The following GALNT14 variants were observed in gnomAD, a reference collection of about 807,000 sequenced individuals.
The protein encoded by GALNT14 is polypeptide N-acetylgalactosaminyltransferase 14.
A neutral mutation model predicts 77.5 loss-of-function variants in GALNT14; 60 were observed. That is an observed-to-expected ratio of 0.77 (90% CI 0.63 to 0.96). The LOEUF (loss-of-function observed/expected upper bound fraction) is 0.96. Among genes scored for constraint, GALNT14 ranks in the 40% least tolerant of loss-of-function variants. GALNT14 has a pLI of 0.00. For missense variants in GALNT14, 710 were observed against 731.0 expected (o/e 0.97, Z 0.33); for synonymous variants, 280 against 281.7 (o/e 0.99, Z 0.06).
intron 1 of GALNT14, chr2:31,079,023 C>G (rs757639097): frequency 3.9e-6 from 5 of 1,286,370 alleles, no homozygotes; most frequent in East Asian, 5.6e-5. Flanking sequence ...GCATTCAGAA[C>G]GAAATGGGTA....
At chr2:30,975,276 A>G (rs1668568277) in intron 2 of GALNT14, among the ~76,000 whole-genome samples, 1 of 152,178 alleles carries the variant, frequency 6.6e-6, no homozygotes, top group African/African-American at 2.4e-5. Flanking sequence ...AATGATGAAA[A>G]ATGTCGATGA....
intron 1 of GALNT14, among the ~76,000 whole-genome samples, chr2:31,021,769 A>C (rs6543594): frequency 0.43 from 65,577 of 152,008 alleles, 14,240 homozygotes; most frequent in East Asian, 0.56. Flanking sequence ...CTAGCCCTTT[A>C]TGGAAAAGTT....
intron 1 of GALNT14, among the ~76,000 whole-genome samples, chr2:30,996,392 C>T (rs1427926737): frequency 6.6e-6 from 1 of 152,226 alleles, no homozygotes; most frequent in Non-Finnish European, 1.5e-5. Flanking sequence ...GACAAGGAGA[C>T]CAGCTGGGAA....
chr2:31,037,614 A>G (rs1672821142), intron 1 of GALNT14, among the ~76,000 whole-genome samples: 2 of 152,218 alleles, frequency 1.3e-5, no homozygotes, highest in South Asian at 4.2e-4. Context: ...CAATTCATAT[A>G]ATGTGGAAAC....
rs774290160 is a variant in GALNT14 at position 30,955,733 on chromosome 2, A to G, written c.539T>C (p.Val180Ala). ...CLRNNERQGL[V>A]RSRIRGADIA... ...GTCAGCGCCCCGAATCCGGGACCGG[A>G]CCAGACCTGCAGTCAGGAACAAATG... is the stretch of plus-strand genomic sequence containing the variant. Residue 180 changes from valine (V) to alanine (A), a missense_variant, in exon 6 of 15, where the codon GTC (valine) becomes GCC (alanine). By Grantham distance (64) the Val-to-Ala change is moderately conservative. Coordinates refer to ENST00000349752, the MANE Select transcript of GALNT14 (RefSeq NM_024572.4). 1 of 1,614,104 alleles carries G rather than the reference A, an allele frequency of 6.2e-7. No individual in the cohort carries two copies. The highest frequency in any genetic ancestry group is 8.5e-7 in the Non-Finnish European group (1 of 1,180,020).
intron 1 of GALNT14, among the ~76,000 whole-genome samples, chr2:31,136,773 T>TA (rs1470421555): frequency 6.6e-6 from 1 of 152,116 alleles, no homozygotes; most frequent in Non-Finnish European, 1.5e-5. Context: ...GTACGTGACT[T>TA]AAAGACCCTG....
At chr2:30,907,039 C>G (rs965449926), downstream of GALNT14, among the ~76,000 whole-genome samples, 1 of 152,180 alleles carries the variant, frequency 6.6e-6, no homozygotes, top group African/African-American at 2.4e-5. Flanking sequence ...ACACCAGAAT[C>G]TCTGGGACAC....
At chr2:30,956,023 CTACG>C (rs751091742) in intron 4 of GALNT14, 46 bp from the exon 5 acceptor site, 1 of 1,594,440 alleles carries the variant, frequency 6.3e-7, no homozygotes, top group Non-Finnish European at 8.6e-7. Flanking sequence ...AGGGATGGAC[CTACG>C]TGTTACAATT....
chr2:30,998,805 C>G (rs1269666079), intron 1 of GALNT14, among the ~76,000 whole-genome samples: 8 of 152,234 alleles, frequency 5.3e-5, no homozygotes, highest in Non-Finnish European at 1.2e-4. Flanking sequence ...TGCCATTAGG[C>G]AGCACGGCCT....
At chr2:30,988,629 G>C (rs1669469371) in intron 2 of GALNT14, among the ~76,000 whole-genome samples, 1 of 152,160 alleles carries the variant, frequency 6.6e-6, no homozygotes, top group African/African-American at 2.4e-5. Flanking sequence ...CAGACCCTCA[G>C]CCTTTTGGCT....
chr2:31,025,017 G>C (rs946852889), intron 1 of GALNT14, among the ~76,000 whole-genome samples: 1 of 152,110 alleles, frequency 6.6e-6, no homozygotes, highest in Non-Finnish European at 1.5e-5. Flanking sequence ...ATCTCTTTGG[G>C]CCAACTTCCT....
rs560600574 is a variant in GALNT14, at chr2:31,038,907, C to T, written c.130-45900G>A. On this transcript the variant is annotated intron_variant, in intron 1 of 14. Transcript: ENST00000349752. ...ACTACAGATGTGTGCCACTATGCCC[C>T]GCTAATTTTTTGTATTTTTGTAGAG... Among the ~76,000 whole-genome samples the T allele has an allele frequency of 1.7e-3, 261 of 151,952 alleles. 2 individuals carry two copies. Among genetic ancestry groups the T allele is most frequent in the African/African-American group, 6.1e-3 (253 of 41,450 alleles).
intron 1 of GALNT14, among the ~76,000 whole-genome samples, chr2:31,118,428 G>C (rs532043925): frequency 5.9e-5 from 9 of 152,114 alleles, no homozygotes; most frequent in African/African-American, 2.2e-4. Flanking sequence ...ACTAAATAGA[G>C]TTCATTCCAG....
At chr2:30,921,048 C>G (rs1447754970) in intron 13 of GALNT14, among the ~76,000 whole-genome samples, 5 of 152,160 alleles carry the variant, frequency 3.3e-5, no homozygotes. Context: ...TGAGTTGCCC[C>G]CAGATGACTG....
intron 1 of GALNT14, among the ~76,000 whole-genome samples, chr2:31,003,351 T>A (rs1489277924): frequency 6.6e-6 from 1 of 152,186 alleles, no homozygotes; most frequent in Non-Finnish European, 1.5e-5. Flanking sequence ...TCAGCAGGGA[T>A]GAGTTTACTT....
chr2:31,113,394 G>C (rs576257775), intron 1 of GALNT14, among the ~76,000 whole-genome samples: 1 of 152,298 alleles, frequency 6.6e-6, no homozygotes, highest in Admixed American at 6.5e-5. Context: ...AGCAAGATCA[G>C]TTGTCCCTGA....
At position 31,101,663 on chromosome 2, in the gene GALNT14, T is replaced by A. The variant is rs139141040; in HGVS notation, c.129+36295A>T. 1.5e-3 allele frequency among the ~76,000 whole-genome samples: 229 copies of A among 152,262 alleles called. 1 individual carries two copies. The highest frequency in any genetic ancestry group is 5.1e-3 in the African/African-American group (213 of 41,570). ...ACTGTTCTCCACATATCATTCCTTATTGTATGCATCTGCACTTGCTCCCAC... is the reference window on the plus strand; with the variant it reads ...ACTGTTCTCCACATATCATTCCTTAATGTATGCATCTGCACTTGCTCCCAC... On this transcript the variant is annotated intron_variant, in intron 1 of 14. Transcript: ENST00000349752.
chr2:31,093,059 C>T (rs1263629266), intron 1 of GALNT14, among the ~76,000 whole-genome samples: 1 of 152,108 alleles, frequency 6.6e-6, no homozygotes, highest in Non-Finnish European at 1.5e-5. Flanking sequence ...CATCAGGGTC[C>T]TTTACCTAAG....
intron 6 of GALNT14, among the ~76,000 whole-genome samples, chr2:30,948,356 GA>G (rs1198232366): frequency 6.6e-6 from 1 of 152,194 alleles, no homozygotes. Context: ...GTCCTGCCTA[GA>G]AGACTGTCTT....
Sources: allele counts gnomAD v4.1 joint callset (sites outside exome capture counted in the v4.1 genomes callset), GRCh38; gene constraint gnomAD v4.1.1; transcripts MANE v1.5; gene names NCBI Gene and HGNC (gene_info 2026-07-23, HGNC 2026-07-21).